Variants in COL13A1 observed in about 807,000 individuals in gnomAD.
The protein encoded by COL13A1 is collagen alpha-1(XIII) chain.
Under a neutral mutation model 130.9 loss-of-function variants are expected in COL13A1, and 89 were observed. That is an observed-to-expected ratio of 0.68 (90% CI 0.57 to 0.81). The LOEUF is 0.81. COL13A1 is among the 30% of genes least tolerant of loss of function. The probability of loss-of-function intolerance (pLI) is 0.00; values close to 1 mark genes in which losing one functional copy is unlikely to be tolerated. For missense variants in COL13A1, 879 were observed against 934.6 expected, an observed-to-expected ratio of 0.94 and a Z score of 0.78; for synonymous variants, 402 against 341.6, an observed-to-expected ratio of 1.18 and a Z score of -1.95.
At chr10:69,845,055 A>G (rs1852628533) in intron 2 of COL13A1, among the ~76,000 whole-genome samples, 1 of 152,178 alleles carries the variant, frequency 6.6e-6, no homozygotes, top group South Asian at 2.1e-4. Flanking sequence ...AGGATTCTCT[A>G]TCCTATAGAG....
intron 9 of COL13A1, 82 bp from the exon 10 acceptor site, chr10:69,889,314 CAGGGAGGAGCACAGGGGG>C: frequency 1.2e-6 from 1 of 853,230 alleles, no homozygotes. Context: ...GCACGGGGGG[CAGGGAGGAGCACAGGGGG>C]CAGGGAGGAG....
chr10:69,953,014 A>C, intron 39 of COL13A1, 46 bp downstream of exon 39: 1 of 1,393,802 alleles, frequency 7.2e-7, no homozygotes. Flanking sequence ...TTTGTTCTTG[A>C]GGTTTGTAAG....
intron 5 of COL13A1, 42 bp from the exon 6 acceptor site, chr10:69,877,997 C>T (rs1476752642): frequency 1.7e-5 from 12 of 702,326 alleles, no homozygotes; most frequent in Middle Eastern, 2.3e-4. Flanking sequence ...TCTCTCCCCT[C>T]CTTTCCCTTC....
At chr10:69,806,769 G>A (rs1407214628) in intron 1 of COL13A1, among the ~76,000 whole-genome samples, 4 of 152,226 alleles carry the variant, frequency 2.6e-5, no homozygotes, top group Non-Finnish European at 5.9e-5. Flanking sequence ...CACTTTGGGA[G>A]GCCAAGGTTG....
At chr10:69,951,371 T>A (rs550819732) in intron 38 of COL13A1, among the ~76,000 whole-genome samples, 6 of 152,302 alleles carry the variant, frequency 3.9e-5, no homozygotes, top group African/African-American at 1.4e-4. Context: ...TCACAACATT[T>A]TTTTTTCAGA....
At chr10:69,855,178 C>T (rs1856049047) in intron 2 of COL13A1, among the ~76,000 whole-genome samples, 1 of 152,212 alleles carries the variant, frequency 6.6e-6, no homozygotes, top group East Asian at 1.9e-4. Context: ...TGCTGGCACA[C>T]AGTAAGTGTT....
At chr10:69,891,980 G>T (rs928334780) in intron 10 of COL13A1, among the ~76,000 whole-genome samples, 21 of 152,290 alleles carry the variant, frequency 1.4e-4, no homozygotes, top group African/African-American at 5.1e-4. Flanking sequence ...GGAGGAAAGG[G>T]ACCCTTCCAT....
rs1385264411 is a variant in COL13A1, at chr10:69,941,087, T to C, written c.1914+64T>C. The C allele has an allele frequency of 5.6e-6, 9 of 1,612,010 alleles. No individual in the cohort carries two copies. The East Asian group carries it at 2.0e-4, about 36-fold the overall frequency. On this transcript the variant is annotated intron_variant, in intron 35 of 40. Transcript: ENST00000645393. ...CTCCACACCTGGCCTGTGATCCCTTTTGTCTGTCCCACTGTGGCCTCATTT... is the reference window on the plus strand; with the variant it reads ...CTCCACACCTGGCCTGTGATCCCTTCTGTCTGTCCCACTGTGGCCTCATTT...
chr10:69,834,284 C>G (rs144421463), intron 2 of COL13A1, among the ~76,000 whole-genome samples: 1 of 152,188 alleles, frequency 6.6e-6, no homozygotes, highest in Non-Finnish European at 1.5e-5. Flanking sequence ...TGGTTCTTAA[C>G]AGGTCACAGT....
chr10:69,930,689 G>A (rs2065998935), intron 30 of COL13A1, 137 bp downstream of exon 30: 2 of 985,214 alleles, frequency 2.0e-6, no homozygotes, highest in Non-Finnish European at 2.9e-6. Flanking sequence ...AGGGGTGGAG[G>A]ATTCACTCAG....
chr10:69,931,803 C>T (rs537223283), intron 30 of COL13A1, among the ~76,000 whole-genome samples: 5 of 152,202 alleles, frequency 3.3e-5, no homozygotes, highest in African/African-American at 4.8e-5. Flanking sequence ...GCAAACGTAG[C>T]GGCCTAAGAA....
intron 2 of COL13A1, among the ~76,000 whole-genome samples, chr10:69,845,250 T>C (rs1263939186): frequency 6.6e-6 from 1 of 151,236 alleles, no homozygotes; most frequent in African/African-American, 2.4e-5. Context: ...TGGAGTGCAG[T>C]GGCGTGATCT....
At chr10:69,950,097 C>G (rs545092119) in intron 38 of COL13A1, among the ~76,000 whole-genome samples, 144 of 151,174 alleles carry the variant, frequency 9.5e-4, no homozygotes, top group African/African-American at 3.3e-3. Context: ...CTTCTCCCCC[C>G]AGATATGTTC....
chr10:69,872,083 C>A (rs1460682033), intron 3 of COL13A1, 101 bp from the exon 4 acceptor site: 3 of 1,374,720 alleles, frequency 2.2e-6, no homozygotes, highest in East Asian at 2.3e-5. Context: ...AAAGGCTTAC[C>A]CAAGTGGCAT....
chr10:69,818,873 G>C (rs990060126), intron 1 of COL13A1, among the ~76,000 whole-genome samples: 1 of 152,174 alleles, frequency 6.6e-6, no homozygotes, highest in African/African-American at 2.4e-5. Context: ...AGTGCTAATC[G>C]ACATACCTAG....
chr10:69,927,107 G>A lies in COL13A1; in HGVS notation c.1419G>A (p.Leu473=). ...EALQEIRTLA[L]MGPPGLPGQI... ...TTTAGGAGATCCGGACGCTGGCCTT[G>A]ATGGTAAGTTTTGCTCCTCCTGGCT... Residue 473 remains leucine, a synonymous_variant, in exon 27 of 41, where the codon TTG becomes TTA. Coordinates refer to ENST00000645393, the MANE Select transcript of COL13A1 (RefSeq NM_001368882.1). The A allele has an allele frequency of 1.2e-6, 2 of 1,613,806 alleles. No homozygotes were observed.
intron 6 of COL13A1, 88 bp downstream of exon 6, chr10:69,878,153 T>C (rs2059791492): frequency 2.9e-6 from 2 of 689,106 alleles, no homozygotes; most frequent in Admixed American, 2.0e-5. Flanking sequence ...CTCCCCCCCA[T>C]GAAAGCCGCA....
In COL13A1 at chr10:69,905,832, A is replaced by AG; in HGVS notation, c.921+15dup. 3.1e-6 allele frequency: 5 copies of AG among 1,613,580 alleles called. No individual in the cohort carries two copies. Among genetic ancestry groups the AG allele is most frequent in the African/African-American group, 1.3e-5 (1 of 75,058 alleles). On this transcript the variant is annotated intron_variant, in intron 17 of 40. Coordinates refer to ENST00000645393, the MANE Select transcript of COL13A1 (RefSeq NM_001368882.1). Reference sequence around the variant, plus strand: ...CTACCACGGCCGGAAGGTAAGATGGAGGGGGAGGACCCAAGTGGGGCAGGA... The same window carrying AG: ...CTACCACGGCCGGAAGGTAAGATGGAGGGGGGAGGACCCAAGTGGGGCAGGA...
chr10:69,910,142 T>C (rs746369106), intron 17 of COL13A1, among the ~76,000 whole-genome samples: 4 of 152,090 alleles, frequency 2.6e-5, no homozygotes, highest in Admixed American at 6.5e-5. Flanking sequence ...CTCCCTTCTA[T>C]TGCCCATCAG....
Sources: allele counts gnomAD v4.1 joint callset (sites outside exome capture counted in the v4.1 genomes callset), GRCh38; gene constraint gnomAD v4.1.1; transcripts MANE v1.5; gene names NCBI Gene and HGNC (gene_info 2026-07-23, HGNC 2026-07-21).